Variants in MED27 observed in about 807,000 individuals in gnomAD.
MED27 encodes mediator of RNA polymerase II transcription subunit 27.
Under a neutral mutation model 38.2 loss-of-function variants are expected in MED27, and 30 were observed. That is an observed-to-expected ratio of 0.79 (90% CI 0.59 to 1.07). The LOEUF (loss-of-function observed/expected upper bound fraction) is 1.07, where lower values mean the gene tolerates loss of function less well. Among genes scored for constraint, MED27 ranks in the 50% least tolerant of loss-of-function variants. The pLI, the probability that MED27 is intolerant of heterozygous loss-of-function variation, is 0.00. For missense variants in MED27, 289 were observed against 397.5 expected (o/e 0.73, Z 2.32); for synonymous variants, 122 against 153.5 (o/e 0.79, Z 1.52).
chr9:132,005,441 T>C (rs1055477891), intron 3 of MED27, among the ~76,000 whole-genome samples: 4 of 152,206 alleles, frequency 2.6e-5, no homozygotes, highest in South Asian at 4.1e-4. Flanking sequence ...ATGCCAGGTA[T>C]TTGACCACGA....
At chr9:132,070,347 G>C (rs1491003755) in intron 2 of MED27, among the ~76,000 whole-genome samples, 1 of 152,198 alleles carries the variant, frequency 6.6e-6, no homozygotes, top group Non-Finnish European at 1.5e-5. Flanking sequence ...CTTGAACCTA[G>C]GAGTTTGAAA....
At chr9:131,933,115 T>G (rs1238730179) in intron 4 of MED27, among the ~76,000 whole-genome samples, 2 of 152,094 alleles carry the variant, frequency 1.3e-5, no homozygotes, top group Non-Finnish European at 2.9e-5. Context: ...AGGAACATAC[T>G]TCAACATAAT....
At chr9:132,000,603 C>G (rs1158158963) in intron 3 of MED27, among the ~76,000 whole-genome samples, 2 of 152,080 alleles carry the variant, frequency 1.3e-5, no homozygotes, top group Non-Finnish European at 2.9e-5. Flanking sequence ...AGTTGTCCAT[C>G]AACAGATAAA....
At chr9:131,903,714 T>C (rs1228560306) in intron 4 of MED27, among the ~76,000 whole-genome samples, 1 of 152,088 alleles carries the variant, frequency 6.6e-6, no homozygotes, top group East Asian at 1.9e-4. Context: ...TGGTGGCAAA[T>C]ATTATCACTG....
intron 4 of MED27, among the ~76,000 whole-genome samples, chr9:131,928,859 C>T (rs1016399958): frequency 4.6e-5 from 7 of 152,234 alleles, no homozygotes; most frequent in Non-Finnish European, 8.8e-5. Flanking sequence ...TGGACTAGGG[C>T]GGCATGTGAC....
At chr9:131,908,906 G>C (rs1377508400) in intron 4 of MED27, among the ~76,000 whole-genome samples, 1 of 148,876 alleles carries the variant, frequency 6.7e-6, no homozygotes, top group Non-Finnish European at 1.5e-5. Context: ...TTTAATAAAA[G>C]AATGCCTAAC....
At chr9:132,029,288 T>C (rs757618694) in intron 2 of MED27, among the ~76,000 whole-genome samples, 4 of 152,372 alleles carry the variant, frequency 2.6e-5, no homozygotes, top group Non-Finnish European at 5.9e-5. Context: ...AGTCTTCAAA[T>C]AGTTAAATTT....
chr9:131,944,550 T>TG (rs1830847389), intron 3 of MED27, among the ~76,000 whole-genome samples: 2 of 149,452 alleles, frequency 1.3e-5, no homozygotes, highest in Admixed American at 1.3e-4. Flanking sequence ...TTTTTTGAGA[T>TG]GGAGTCTCGC....
At chr9:131,960,060 A>C (rs1313214752) in intron 3 of MED27, among the ~76,000 whole-genome samples, 1 of 152,224 alleles carries the variant, frequency 6.6e-6, no homozygotes, top group Admixed American at 6.5e-5. Context: ...AGGCTGCCCT[A>C]ATGTGGCTGT....
intron 6 of MED27, among the ~76,000 whole-genome samples, chr9:131,879,788 T>G (rs1355772556): frequency 6.6e-6 from 1 of 152,164 alleles, no homozygotes; most frequent in African/African-American, 2.4e-5. Flanking sequence ...GCCGCAGTGC[T>G]CCCAAACAGC....
At chr9:132,073,564 T>C in intron 2 of MED27, 3 of 1,380,960 alleles carry the variant, frequency 2.2e-6, no homozygotes, top group East Asian at 2.8e-5. Context: ...CCAACCCTGT[T>C]AGTTCCATGA....
chr9:132,065,255 C>A (rs776097191), intron 2 of MED27, among the ~76,000 whole-genome samples: 1 of 152,278 alleles, frequency 6.6e-6, no homozygotes, highest in South Asian at 2.1e-4. Flanking sequence ...CCAGAATGCA[C>A]CGTGGCGGGA....
chr9:131,907,207 C>T (rs1830080443), intron 4 of MED27, among the ~76,000 whole-genome samples: 1 of 151,826 alleles, frequency 6.6e-6, no homozygotes, highest in Non-Finnish European at 1.5e-5. Flanking sequence ...CTCTCCCTCT[C>T]CCTCTCCCTC....
intron 6 of MED27, among the ~76,000 whole-genome samples, chr9:131,880,962 G>A (rs1564266417): frequency 6.6e-6 from 1 of 151,080 alleles, no homozygotes; most frequent in Non-Finnish European, 1.5e-5. Flanking sequence ...CTCATCAAGG[G>A]TATTGGAATG....
At chr9:132,049,693 C>T (rs1341054906) in intron 2 of MED27, among the ~76,000 whole-genome samples, 1 of 152,120 alleles carries the variant, frequency 6.6e-6, no homozygotes, top group Non-Finnish European at 1.5e-5. Context: ...CCAGAAAGGG[C>T]TGAGAACAAA....
intron 4 of MED27, among the ~76,000 whole-genome samples, chr9:131,921,358 G>A (rs561745737): frequency 2.0e-4 from 30 of 152,224 alleles, no homozygotes; most frequent in Admixed American, 1.6e-3. Flanking sequence ...AATTACTATG[G>A]TTGCTACCCA....
chr9:132,041,643 C>T (rs1833214673), intron 2 of MED27, among the ~76,000 whole-genome samples: 2 of 152,158 alleles, frequency 1.3e-5, no homozygotes, highest in African/African-American at 4.8e-5. Flanking sequence ...GATGGACAGT[C>T]ACAGGATGTA....
chr9:132,051,627 C>T lies in MED27; in HGVS notation c.348+25815G>A, dbSNP rs1402463209. Among the ~76,000 whole-genome samples, 1 of 152,160 alleles carries T rather than the reference C, an allele frequency of 6.6e-6. No individual in the cohort carries two copies. Among genetic ancestry groups the T allele is most frequent in the Non-Finnish European group, 1.5e-5 (1 of 68,032 alleles). On this transcript the variant is annotated intron_variant, in intron 2 of 7. Coordinates refer to ENST00000292035, the MANE Select transcript of MED27 (RefSeq NM_004269.4). The surrounding 1 kb of genome is among the most constrained non-coding windows in gnomAD (Gnocchi z 4.2). The stretch of plus-strand genomic sequence containing the variant: ...AGATCTGTGTTGTCCAACATAGTGG[C>T]CACTGGCTACAGGAGGCTATTTAAG...
At chr9:132,049,871 C>T (rs1314292919) in intron 2 of MED27, among the ~76,000 whole-genome samples, 6 of 151,916 alleles carry the variant, frequency 3.9e-5, no homozygotes, top group African/African-American at 1.2e-4. Context: ...TCCAAAGAAA[C>T]CCAAAAAAGG....
Sources: allele counts gnomAD v4.1 joint callset (sites outside exome capture counted in the v4.1 genomes callset), GRCh38; gene constraint gnomAD v4.1.1; non-coding constraint Gnocchi (gnomAD v3.1); transcripts MANE v1.5; gene names NCBI Gene and HGNC (gene_info 2026-07-23, HGNC 2026-07-21).